Variants in STK39 observed in about 807,000 individuals in gnomAD.
The protein encoded by STK39 is serine/threonine kinase 39, also known as STE20/SPS1-related proline-alanine-rich protein kinase.
STK39 carries 20 observed loss-of-function variants against 77.8 expected under a neutral mutation model. That is an observed-to-expected ratio of 0.26 (90% CI 0.18 to 0.37). The LOEUF is 0.37. Ranked by LOEUF, STK39 falls within the 10% of genes least tolerant of loss-of-function variation. STK39 has a pLI of 1.00. For synonymous variants in STK39, 246 were observed against 234.1 expected, an observed-to-expected ratio of 1.05 and a Z score of -0.47; for missense variants, 479 against 656.5, an observed-to-expected ratio of 0.73 and a Z score of 2.95.
At chr2:168,072,234 C>A (rs1308263016) in intron 12 of STK39, among the ~76,000 whole-genome samples, 2 of 152,000 alleles carry the variant, frequency 1.3e-5, no homozygotes, top group African/African-American at 4.8e-5. Context: ...TGGAAAGAAA[C>A]AGAAAAGGTC....
At chr2:168,112,153 T>C (rs1574473991) in intron 10 of STK39, among the ~76,000 whole-genome samples, 1 of 150,220 alleles carries the variant, frequency 6.7e-6, no homozygotes, top group Non-Finnish European at 1.5e-5. Context: ...GAGCCAAAAG[T>C]GGAAATCCAG....
chr2:168,068,953 G>A (rs1270305413), intron 12 of STK39, among the ~76,000 whole-genome samples: 2 of 152,236 alleles, frequency 1.3e-5, no homozygotes, highest in East Asian at 1.9e-4. Flanking sequence ...GTTTCACTCA[G>A]TCACCTAGGC....
chr2:168,060,252 A>G (rs1685630150), intron 14 of STK39, among the ~76,000 whole-genome samples: 1 of 152,188 alleles, frequency 6.6e-6, no homozygotes, highest in Non-Finnish European at 1.5e-5. Flanking sequence ...ACCAACTGCT[A>G]TGTACTGAAT....
chr2:168,159,952 T>TACTGGGTCAC (rs1688527951), intron 5 of STK39, among the ~76,000 whole-genome samples: 1 of 152,126 alleles, frequency 6.6e-6, no homozygotes, highest in South Asian at 2.1e-4. Flanking sequence ...TGCAGGCACG[T>TACTGGGTCAC]ACTGGGTCAC....
chr2:168,076,175 C>T (rs1167806766), intron 10 of STK39, among the ~76,000 whole-genome samples: 1 of 152,200 alleles, frequency 6.6e-6, no homozygotes, highest in East Asian at 1.9e-4. Context: ...AAGGGAGCTT[C>T]CAGACAATCT....
At chr2:167,969,611 A>T (rs1692270812) in intron 16 of STK39, among the ~76,000 whole-genome samples, 2 of 152,196 alleles carry the variant, frequency 1.3e-5, no homozygotes, top group African/African-American at 4.8e-5. Flanking sequence ...AAAAAATCTT[A>T]TTCATCTCTG....
At chr2:168,192,421 A>C (rs1689362083) in intron 1 of STK39, among the ~76,000 whole-genome samples, 1 of 152,228 alleles carries the variant, frequency 6.6e-6, no homozygotes, top group South Asian at 2.1e-4. Flanking sequence ...TTTAAAAAAA[A>C]TTCTCATTTC....
intron 1 of STK39, among the ~76,000 whole-genome samples, chr2:168,236,850 A>G (rs1474775201): frequency 6.6e-6 from 1 of 152,154 alleles, no homozygotes; most frequent in Admixed American, 6.5e-5. Context: ...TGGTTACTGT[A>G]GCCTTGTAGG....
At chr2:168,237,359 T>C (rs1251708233) in intron 1 of STK39, among the ~76,000 whole-genome samples, 1 of 152,164 alleles carries the variant, frequency 6.6e-6, no homozygotes, top group East Asian at 1.9e-4. Context: ...GACAATGGGG[T>C]TTTCTAGATA....
chr2:168,223,328 G>A (rs962838270), intron 1 of STK39, among the ~76,000 whole-genome samples: 1 of 151,978 alleles, frequency 6.6e-6, no homozygotes, highest in African/African-American at 2.4e-5. Context: ...TGGCCAACAT[G>A]GTGAAACCCC....
intron 1 of STK39, among the ~76,000 whole-genome samples, chr2:168,239,343 C>A (rs148116536): frequency 1.3e-5 from 2 of 152,208 alleles, no homozygotes; most frequent in East Asian, 3.9e-4. Flanking sequence ...ACAATGTCTA[C>A]GGATGCCAGA....
chr2:168,004,430 G>A (rs1240027937), intron 16 of STK39, among the ~76,000 whole-genome samples: 1 of 152,094 alleles, frequency 6.6e-6, no homozygotes, highest in Non-Finnish European at 1.5e-5. Flanking sequence ...ATTATTATAA[G>A]CATAAAATAA....
chr2:167,983,582 CCT>C (rs1683485870), intron 16 of STK39, among the ~76,000 whole-genome samples: 1 of 151,754 alleles, frequency 6.6e-6, no homozygotes, highest in Non-Finnish European at 1.5e-5. Flanking sequence ...AGGGATGGAG[CCT>C]CTCTCTTTTC....
intron 10 of STK39, among the ~76,000 whole-genome samples, chr2:168,097,500 G>A (rs1686701781): frequency 6.6e-6 from 1 of 152,158 alleles, no homozygotes; most frequent in African/African-American, 2.4e-5. Flanking sequence ...TGAGGCAGGA[G>A]AATGGCTTGA....
intron 2 of STK39, among the ~76,000 whole-genome samples, chr2:168,180,790 G>A (rs1689066619): frequency 6.6e-6 from 1 of 152,202 alleles, no homozygotes; most frequent in Non-Finnish European, 1.5e-5. Flanking sequence ...AGCCTTGAAT[G>A]TATGCAAATT....
chr2:168,004,087 T>C (rs1261527253), intron 16 of STK39, among the ~76,000 whole-genome samples: 2 of 152,218 alleles, frequency 1.3e-5, no homozygotes, highest in Non-Finnish European at 2.9e-5. Context: ...AGAGATTTTG[T>C]TGCTCCCATA....
chr2:168,133,072 G>C (rs999267754), intron 8 of STK39, among the ~76,000 whole-genome samples: 1 of 152,128 alleles, frequency 6.6e-6, no homozygotes, highest in African/African-American at 2.4e-5. Flanking sequence ...ACGTAAGGAG[G>C]CAAAGTGCCT....
At chr2:168,175,329 T>A (rs13024274) in intron 2 of STK39, among the ~76,000 whole-genome samples, 24,924 of 152,068 alleles carry the variant, frequency 0.16, 2,101 homozygotes, top group East Asian at 0.25. Context: ...TTTCTCCTAC[T>A]CTGAAAATGA....
intron 16 of STK39, among the ~76,000 whole-genome samples, chr2:167,987,714 A>G (rs1239032128): frequency 6.6e-6 from 1 of 152,176 alleles, no homozygotes; most frequent in East Asian, 1.9e-4. Flanking sequence ...GAATAGCGAA[A>G]CCTCCAAATA....
Sources: gnomAD v4.1 joint callset for allele counts (sites outside exome capture counted in the v4.1 genomes callset) on GRCh38, gnomAD v4.1.1 for gene constraint, MANE v1.5 for transcripts, NCBI Gene and HGNC (gene_info 2026-07-23, HGNC 2026-07-21) for gene names.